Variants in DNAAF5 observed in about 807,000 individuals in gnomAD.
DNAAF5 encodes the protein HEAT repeat containing 2.
DNAAF5 carries 64 observed loss-of-function variants against 75.8 expected under a neutral mutation model. That is an observed-to-expected ratio of 0.84 (90% CI 0.69 to 1.04). DNAAF5 has a LOEUF of 1.04. DNAAF5 is among the 50% of genes least tolerant of loss of function. The pLI, the probability that DNAAF5 is intolerant of heterozygous loss-of-function variation, is 0.00. For missense variants in DNAAF5, 1,269 were observed against 1,178.5 expected, an observed-to-expected ratio of 1.08 and a Z score of -1.12; for synonymous variants, 657 against 557.2, an observed-to-expected ratio of 1.18 and a Z score of -2.52.
chr7:729,069 T>G (rs1484412145), intron 1 of DNAAF5, among the ~76,000 whole-genome samples: 2 of 148,410 alleles, frequency 1.3e-5, no homozygotes, highest in Non-Finnish European at 3.0e-5. Flanking sequence ...CGATCTCAGC[T>G]CACTGCAACC....
At chr7:768,908 G>A (rs1778453172) in intron 8 of DNAAF5, 2 of 533,504 alleles carry the variant, frequency 3.7e-6, no homozygotes, top group Non-Finnish European at 3.4e-6. Context: ...CAGAAGCAGC[G>A]TGGTTCTCGT....
At chr7:773,902 C>A in intron 9 of DNAAF5, 146 bp from the exon 10 acceptor site, 1 of 869,076 alleles carries the variant, frequency 1.2e-6, no homozygotes. Context: ...AGAAGCAGCT[C>A]CTGAGAGGAG....
intron 2 of DNAAF5, chr7:732,630 G>T: frequency 2.2e-6 from 1 of 456,066 alleles, no homozygotes; most frequent in Non-Finnish European, 4.4e-6. Flanking sequence ...TTTGCCATTT[G>T]TATGCCTTCT....
chr7:785,469 G>T (rs775884741), intron 12 of DNAAF5, 48 bp from the exon 13 acceptor site: 4 of 1,599,760 alleles, frequency 2.5e-6, no homozygotes, highest in Non-Finnish European at 2.6e-6. Context: ...GGTAAGATTG[G>T]TTTCATGTTT....
chr7:773,085 G>C (rs35488064), intron 9 of DNAAF5: 120,078 of 152,136 alleles, frequency 0.79, 47,568 homozygotes, highest in South Asian at 0.86. Context: ...TTCATGTGGT[G>C]ACCATGGAGC....
In DNAAF5 at chr7:786,312, T is replaced by C. The variant is rs1779143792; in HGVS notation, c.*659T>C. On this transcript the variant is annotated 3_prime_UTR_variant, in exon 13 of 13. Coordinates refer to ENST00000297440, the MANE Select transcript of DNAAF5 (RefSeq NM_017802.4). ...GCAGGAAAGTAAAGTTGCATTTCCC[T>C]CTCGCACATTCTACACCCAAGTGCC... 6.6e-6 allele frequency: 1 copy of C among 152,244 alleles called. No individual in the cohort carries two copies. The highest frequency in any genetic ancestry group is 1.5e-5 in the Non-Finnish European group (1 of 68,062). The allele number at this position is 152,244 out of a possible 1,614,324, so 9.4% of individuals were successfully genotyped here. A position where few individuals can be genotyped will look rare whatever the true frequency, so the allele number is the denominator to read the frequency against.
intron 12 of DNAAF5, among the ~76,000 whole-genome samples, chr7:782,353 G>A (rs1388712135): frequency 2.0e-5 from 3 of 150,642 alleles, no homozygotes; most frequent in African/African-American, 4.9e-5. Context: ...TCTTCGCGGC[G>A]TGGCCGCCTC....
chr7:778,859 T>TCCCGCTGTGCAGTGAGCATA (rs951157003), intron 11 of DNAAF5, among the ~76,000 whole-genome samples: 1 of 152,194 alleles, frequency 6.6e-6, no homozygotes, highest in Non-Finnish European at 1.5e-5. Context: ...CAGCGAGGGC[T>TCCCGCTGTGCAGTGAGCATA]CCCGCTGTGC....
intron 4 of DNAAF5, among the ~76,000 whole-genome samples, chr7:747,729 A>G (rs1782170606): frequency 1.7e-5 from 1 of 59,462 alleles, no homozygotes; most frequent in Non-Finnish European, 3.7e-5. Context: ...TGCTGGTTTC[A>G]GCATGTCCGG....
chr7:755,274 G>T lies in DNAAF5; in HGVS notation c.1257+453G>T, dbSNP rs548968213. 2.6e-5 allele frequency among the ~76,000 whole-genome samples: 4 copies of T among 152,266 alleles called. No homozygotes were observed. The East Asian group carries it at 5.8e-4, about 22-fold the overall frequency. ...GGGTGTCCTGCGAGTGGTGTCCCTG[G>T]TGCAGTCCTCTTTCTCACTCCCTGT... On this transcript the variant is annotated intron_variant, in intron 5 of 12. Transcript: ENST00000297440.
intron 2 of DNAAF5, chr7:732,697 T>C: frequency 6.7e-6 from 3 of 449,978 alleles, no homozygotes; most frequent in South Asian, 4.7e-5. Context: ...TAGATTTTTT[T>C]CTATTGAGTT....
In DNAAF5 at chr7:757,060, G is replaced by A. The variant is rs1003779988; in HGVS notation, c.1470+66G>A. On this transcript the variant is annotated intron_variant, in intron 6 of 12. Transcript: ENST00000297440. The stretch of plus-strand genomic sequence containing the variant: ...CTCCCCTGCCCGGCCGTCAGCCATC[G>A]TAATGACATGTCTGTGGGTTGCCCT... The A allele has an allele frequency of 7.8e-5, 113 of 1,452,164 alleles. 1 individual carries two copies. The Admixed American group carries it at 9.8e-4, about 13-fold the overall frequency. The allele number at this position is 1,452,164 out of a possible 1,614,324, so 90.0% of individuals were successfully genotyped here.
Position 754,818 on chromosome 7 carries a change from A to G in DNAAF5, c.1254A>G (p.Gln418=). The G allele has an allele frequency of 6.2e-7, 1 of 1,600,066 alleles. No homozygotes were observed. The highest frequency in any genetic ancestry group is 8.5e-7 in the Non-Finnish European group (1 of 1,170,396). ...ACTDEEAAVV[Q]SCTRSAELVG... Reference sequence around the variant, plus strand: ...CCGACGAGGAGGCAGCCGTGGTCCAAAGTGTAAGTGGCCGTATTCCAGTCG... The same window carrying G: ...CCGACGAGGAGGCAGCCGTGGTCCAGAGTGTAAGTGGCCGTATTCCAGTCG... Residue 418 remains glutamine, a synonymous_variant, in exon 5 of 13, where the codon CAA becomes CAG. Transcript: ENST00000297440. The surrounding 1 kb of genome is among the most constrained non-coding windows in gnomAD (Gnocchi z 4.8).
chr7:749,182 GC>G (rs1782213306), intron 4 of DNAAF5, among the ~76,000 whole-genome samples: 1 of 152,208 alleles, frequency 6.6e-6, no homozygotes, highest in Admixed American at 6.5e-5. Context: ...TGAACAGAGT[GC>G]CCTTCTCACA....
In DNAAF5 at chr7:774,130, G is replaced by C; in HGVS notation, c.2014G>C (p.Ala672Pro). The change falls in exon 10 of 13, where the codon GCC (alanine) becomes CCC (proline). Residue 672 changes from alanine (A) to proline (P), a missense_variant. Transcript: ENST00000297440. ...GTGGCATGCGGGGAGGACAGCCGCG[G>C]CCATCCGCACGGCTGCCGTGTCCTG... ...LQWHAGRTAA[A>P]IRTAAVSCLW... The C allele has an allele frequency of 6.2e-7, 1 of 1,612,976 alleles. No individual in the cohort carries two copies. Among genetic ancestry groups the C allele is most frequent in the Non-Finnish European group, 8.5e-7 (1 of 1,179,982 alleles).
At position 754,119 on chromosome 7, in the gene DNAAF5, C is replaced by T. The variant is rs1012475987; in HGVS notation, c.1025-470C>T. Reference sequence around the variant, plus strand: ...TCGCAGGCGTGTCTCTCTGATCATACACGTCAGCACGTGTGGCAAGTGTGT... The same window carrying T: ...TCGCAGGCGTGTCTCTCTGATCATATACGTCAGCACGTGTGGCAAGTGTGT... On this transcript the variant is annotated intron_variant, in intron 4 of 12. Coordinates refer to ENST00000297440, the MANE Select transcript of DNAAF5 (RefSeq NM_017802.4). The surrounding 1 kb of genome is among the most constrained non-coding windows in gnomAD (Gnocchi z 4.8). Among the ~76,000 whole-genome samples the T allele has an allele frequency of 2.6e-5, 4 of 152,144 alleles. No individual in the cohort carries two copies. Among genetic ancestry groups the T allele is most frequent in the African/African-American group, 9.7e-5 (4 of 41,426 alleles).
rs1300137948 is a variant in DNAAF5, at chr7:754,265, CA to C, written c.1025-323del. 2.6e-5 allele frequency among the ~76,000 whole-genome samples: 4 copies of C among 152,174 alleles called. No homozygotes were observed. The highest frequency in any genetic ancestry group is 1.3e-4 in the Admixed American group (2 of 15,280). ...TCAGACTCCTGCGTAGCTGGGACCA[CA>C]GGCATGCACCACGGCACCTGGCTAA... On this transcript the variant is annotated intron_variant, in intron 4 of 12. Coordinates refer to ENST00000297440, the MANE Select transcript of DNAAF5 (RefSeq NM_017802.4). The surrounding 1 kb of genome is among the most constrained non-coding windows in gnomAD (Gnocchi z 4.8).
intron 2 of DNAAF5, among the ~76,000 whole-genome samples, chr7:740,399 AGCCACG>A (rs1781867080): frequency 6.6e-6 from 1 of 152,206 alleles, no homozygotes; most frequent in Non-Finnish European, 1.5e-5. Context: ...CACTTGCTGT[AGCCACG>A]GCTCACCAAG....
chr7:749,359 A>T (rs1003826695), intron 4 of DNAAF5, among the ~76,000 whole-genome samples: 1 of 152,178 alleles, frequency 6.6e-6, no homozygotes, highest in African/African-American at 2.4e-5. Context: ...AAGCGTCTCG[A>T]TGCTGGTGAG....
Sources: gnomAD v4.1 joint callset for allele counts (sites outside exome capture counted in the v4.1 genomes callset) on GRCh38, gnomAD v4.1.1 for gene constraint, Gnocchi (gnomAD v3.1) non-coding constraint, MANE v1.5 for transcripts, NCBI Gene and HGNC (gene_info 2026-07-23, HGNC 2026-07-21) for gene names.